RASGEF1C: variants seen among roughly 807,000 people sequenced by gnomAD.
The protein encoded by RASGEF1C is RasGEF domain family member 1C.
RASGEF1C carries 27 observed loss-of-function variants against 58.1 expected under a neutral mutation model. The observed-to-expected ratio is 0.46, with a 90% CI of 0.34 to 0.64. The LOEUF is 0.64. RASGEF1C is among the 30% of genes least tolerant of loss of function. The pLI is 0.01. For missense variants in RASGEF1C, 502 were observed against 605.1 expected, an observed-to-expected ratio of 0.83 and a Z score of 1.79; for synonymous variants, 243 against 246.3, an observed-to-expected ratio of 0.99 and a Z score of 0.13.
intron 1 of RASGEF1C, among the ~76,000 whole-genome samples, chr5:180,163,231 C>CTTTTTTTTCTTTTTTTTTTTT (rs1766971548): frequency 5.1e-5 from 1 of 19,458 alleles, no homozygotes; most frequent in African/African-American, 1.3e-4. Context: ...CACCCCCTCA[C>CTTTTTTTTCTTTTTTTTTTTT]TTTTTTTTTT....
In RASGEF1C at chr5:180,156,924, T is replaced by C. The variant is rs1766859495; in HGVS notation, c.-6-18866A>G. Among the ~76,000 whole-genome samples, 1 of 152,212 alleles carries C rather than the reference T, an allele frequency of 6.6e-6. No individual in the cohort carries two copies. Among genetic ancestry groups the C allele is most frequent in the Admixed American group, 6.5e-5 (1 of 15,284 alleles). ...GAAAATAAGCATTTACAAAGGTGCT[T>C]CACATCATATGTCATCAGGGAAATG... On this transcript the variant is annotated intron_variant, in intron 1 of 13. Coordinates refer to ENST00000361132, the MANE Select transcript of RASGEF1C (RefSeq NM_175062.4). This position sits in a 1 kb window ranked among gnomAD's most constrained non-coding sequence, Gnocchi z 4.9.
chr5:180,181,945 T>C (rs969946535), intron 1 of RASGEF1C, among the ~76,000 whole-genome samples: 2 of 151,112 alleles, frequency 1.3e-5, no homozygotes, highest in Admixed American at 1.3e-4. Flanking sequence ...GGCTCACGCC[T>C]GTAATCCTAG....
At position 180,101,228 on chromosome 5, in the gene RASGEF1C, C is replaced by T; in HGVS notation, c.*273G>A. The T allele has an allele frequency of 1.9e-6, 1 of 529,786 alleles. No homozygotes were observed. Among genetic ancestry groups the T allele is most frequent in the Non-Finnish European group, 3.4e-6 (1 of 295,158 alleles). The allele number at this position is 529,786 out of a possible 1,614,324, so 32.8% of individuals were successfully genotyped here. ...TCCTTGCCGAGGATGGACAGACTGA[C>T]CAGGCCCCACGGTCCTGAAGGCAGG... On this transcript the variant is annotated 3_prime_UTR_variant, in exon 14 of 14. Transcript: ENST00000361132.
chr5:180,103,189 T>C (rs975546964), intron 12 of RASGEF1C, among the ~76,000 whole-genome samples: 2 of 152,188 alleles, frequency 1.3e-5, no homozygotes, highest in South Asian at 4.1e-4. Context: ...ACCATTCTCC[T>C]GCCTCACCCT....
Position 180,111,713 on chromosome 5 carries a change from G to A in RASGEF1C, c.1180-133C>T, listed in dbSNP as rs1386185873. The A allele has an allele frequency of 6.6e-6, 6 of 914,258 alleles. No homozygotes were observed. The East Asian group carries it at 7.7e-5, about 12-fold the overall frequency. The allele number at this position is 914,258 out of a possible 1,614,324, so 56.6% of individuals were successfully genotyped here. A position where few individuals can be genotyped will look rare whatever the true frequency, so the allele number is the denominator to read the frequency against. ...AGGGCTCTGAGGAGGAGCAGGGGGCGATAAATGAGGGCGAGAGCAGTCCTG... is the reference window on the plus strand; with the variant it reads ...AGGGCTCTGAGGAGGAGCAGGGGGCAATAAATGAGGGCGAGAGCAGTCCTG... On this transcript the variant is annotated intron_variant, in intron 11 of 13. Coordinates refer to ENST00000361132, the MANE Select transcript of RASGEF1C (RefSeq NM_175062.4).
chr5:180,121,782 ACG>A (rs1350465609), intron 6 of RASGEF1C, among the ~76,000 whole-genome samples: 1 of 151,956 alleles, frequency 6.6e-6, no homozygotes, highest in Non-Finnish European at 1.5e-5. Flanking sequence ...GTCTGTACAC[ACG>A]TGTGCGGTGG....
At position 180,137,913 on chromosome 5, in the gene RASGEF1C, A is replaced by G; in HGVS notation, c.140T>C (p.Ile47Thr). Residue 47 changes from isoleucine (I) to threonine (T), a missense_variant, in exon 2 of 14, where the codon ATC becomes ACC. Ile to Thr is a moderately conservative substitution (Grantham distance 89). Transcript: ENST00000361132. This position sits in a 1 kb window ranked among gnomAD's most constrained non-coding sequence, Gnocchi z 4.1. ...GTCGGCTGTGGGCACCAGGTGCTGG[A>G]TCAGTGTTTCCAGGGAGGCTGAGGA... ...APSSASLETL[I>T]QHLVPTADYY... 6.2e-7 allele frequency: 1 copy of G among 1,613,066 alleles called. No homozygotes were observed. The highest frequency in any genetic ancestry group is 8.5e-7 in the Non-Finnish European group (1 of 1,179,824).
At chr5:180,127,915 T>A (rs1243864301) in intron 5 of RASGEF1C, among the ~76,000 whole-genome samples, 2 of 152,188 alleles carry the variant, frequency 1.3e-5, no homozygotes, top group Non-Finnish European at 2.9e-5. Flanking sequence ...AGCAATGCTA[T>A]GAGGCGTGAC....
intron 12 of RASGEF1C, among the ~76,000 whole-genome samples, chr5:180,105,555 C>A (rs1202973164): frequency 1.3e-5 from 2 of 149,010 alleles, no homozygotes; most frequent in East Asian, 3.9e-4. Flanking sequence ...GAGCAAGACT[C>A]TGTCTCAAAA....
intron 1 of RASGEF1C, among the ~76,000 whole-genome samples, chr5:180,180,255 G>A (rs1179878939): frequency 6.6e-6 from 1 of 152,236 alleles, no homozygotes; most frequent in Non-Finnish European, 1.5e-5. Flanking sequence ...GAGCAGGTCT[G>A]ATTGACTCCA....
chr5:180,161,226 G>C (rs1359607740), intron 1 of RASGEF1C, among the ~76,000 whole-genome samples: 3 of 152,220 alleles, frequency 2.0e-5, no homozygotes, highest in Non-Finnish European at 2.9e-5. Context: ...CCAGATTTGG[G>C]GGAGAGGAAG....
intron 1 of RASGEF1C, among the ~76,000 whole-genome samples, chr5:180,196,688 G>A (rs1756286047): frequency 6.6e-6 from 1 of 152,150 alleles, no homozygotes; most frequent in African/African-American, 2.4e-5. Flanking sequence ...CACCTGGGGA[G>A]AACCTGCAGC....
At chr5:180,146,897 T>C (rs1766668485) in intron 1 of RASGEF1C, among the ~76,000 whole-genome samples, 1 of 152,226 alleles carries the variant, frequency 6.6e-6, no homozygotes, top group South Asian at 2.1e-4. Context: ...ATGGTTCTTT[T>C]TTAAATGTTT....
At chr5:180,142,822 G>A (rs1337247660) in intron 1 of RASGEF1C, among the ~76,000 whole-genome samples, 2 of 152,148 alleles carry the variant, frequency 1.3e-5, no homozygotes, top group African/African-American at 4.8e-5. Context: ...CCAAGCTGAA[G>A]TCCACTCATC....
rs140881541 is a variant in RASGEF1C at position 180,114,816 on chromosome 5, G to C, written c.1084-275C>G. Among the ~76,000 whole-genome samples, 374 of 152,346 alleles carry C rather than the reference G, an allele frequency of 2.5e-3. 2 individuals carry two copies. Among genetic ancestry groups the C allele is most frequent in the African/African-American group, 8.5e-3 (354 of 41,570 alleles). On this transcript the variant is annotated intron_variant, in intron 10 of 13. Transcript: ENST00000361132. ...GCGCCGTGGTGCCACCGCCCGTCCT[G>C]GGGCTGGGTAAGAGATGCACAGTCA... is the stretch of plus-strand genomic sequence containing the variant.
Position 180,137,503 on chromosome 5 carries a change from T to C in RASGEF1C, c.300+87A>G. 4 of 1,523,242 alleles carry C rather than the reference T, an allele frequency of 2.6e-6. No homozygotes were observed. The highest frequency in any genetic ancestry group is 3.5e-6 in the Non-Finnish European group (4 of 1,127,932). The allele number at this position is 1,523,242 out of a possible 1,614,324, so 94.4% of individuals were successfully genotyped here. ...CTTGTCAGGAAAACGGGGACAATCA[T>C]TGCCTCCCCGAGAGGCTGATGCGTT... On this transcript the variant is annotated intron_variant, in intron 3 of 13. Coordinates refer to ENST00000361132, the MANE Select transcript of RASGEF1C (RefSeq NM_175062.4). This position sits in a 1 kb window ranked among gnomAD's most constrained non-coding sequence, Gnocchi z 4.1.
intron 10 of RASGEF1C, 128 bp from the exon 11 acceptor site, chr5:180,114,669 A>G: frequency 2.6e-6 from 2 of 769,922 alleles, no homozygotes; most frequent in South Asian, 3.2e-5. Context: ...TGCAGAGGGC[A>G]GGGGAGACTT....
At position 180,117,685 on chromosome 5, in the gene RASGEF1C, A is replaced by C. The variant is rs572486149; in HGVS notation, c.1083+924T>G. On this transcript the variant is annotated intron_variant, in intron 10 of 13. Transcript: ENST00000361132. ...GATCAGGTCCGCAGAGGCTCCACAA[A>C]TGCAGGGATATAAGAATACAGGCTG... 2.1e-3 allele frequency among the ~76,000 whole-genome samples: 322 copies of C among 152,216 alleles called. 1 individual carries two copies. The highest frequency in any genetic ancestry group is 3.7e-3 in the Non-Finnish European group (250 of 67,998).
Position 180,137,765 on chromosome 5 carries a change from C to T in RASGEF1C, c.178-53G>A. 1 of 1,607,858 alleles carries T rather than the reference C, an allele frequency of 6.2e-7. No homozygotes were observed. The highest frequency in any genetic ancestry group is 8.5e-7 in the Non-Finnish European group (1 of 1,176,832). On this transcript the variant is annotated intron_variant, in intron 2 of 13. Transcript: ENST00000361132. This position sits in a 1 kb window ranked among gnomAD's most constrained non-coding sequence, Gnocchi z 4.1. ...AGGCTCAGGAGGGCACCAGGAGGGG[C>T]ATGCTTCCCAGCTGGCCCTGTACCC...
Sources: allele counts gnomAD v4.1 joint callset (sites outside exome capture counted in the v4.1 genomes callset), GRCh38; gene constraint gnomAD v4.1.1; non-coding constraint Gnocchi (gnomAD v3.1); transcripts MANE v1.5; gene names NCBI Gene and HGNC (gene_info 2026-07-23, HGNC 2026-07-21).